THAP4: variants seen among roughly 807,000 people sequenced by gnomAD.
The protein encoded by THAP4 is peroxynitrite isomerase THAP4.
Under a neutral mutation model 48.1 loss-of-function variants are expected in THAP4, and 18 were observed. That is an observed-to-expected ratio of 0.37 (90% CI 0.26 to 0.56). The LOEUF (loss-of-function observed/expected upper bound fraction) is 0.56. Among genes scored for constraint, THAP4 ranks in the 20% least tolerant of loss-of-function variants. THAP4 has a pLI of 0.78. For missense variants in THAP4, 656 were observed against 774.9 expected, an observed-to-expected ratio of 0.85 and a Z score of 1.82; for synonymous variants, 345 against 324.9, an observed-to-expected ratio of 1.06 and a Z score of -0.66.
In THAP4 at chr2:241,590,256, G is replaced by A. The variant is rs1333696808; in HGVS notation, c.1615-5531C>T. The stretch of plus-strand genomic sequence containing the variant: ...GGCACTAGGACACTCAGAGCTGCTC[G>A]GCTGATGATAATGGGCACTAGGACA... On this transcript the variant is annotated intron_variant, in intron 5 of 5. Coordinates refer to ENST00000407315, the MANE Select transcript of THAP4 (RefSeq NM_015963.6). Among the ~76,000 whole-genome samples, 25 of 149,618 alleles carry A rather than the reference G, an allele frequency of 1.7e-4. No homozygotes were observed. The South Asian group carries it at 2.6e-3, about 16-fold the overall frequency.
chr2:241,604,988 A>G (rs1384406812), intron 3 of THAP4, among the ~76,000 whole-genome samples: 1 of 152,212 alleles, frequency 6.6e-6, no homozygotes, highest in African/African-American at 2.4e-5. Context: ...ACATACCATC[A>G]CATTTACTGA....
intron 3 of THAP4, among the ~76,000 whole-genome samples, chr2:241,606,008 G>A (rs1353547513): frequency 3.3e-5 from 5 of 152,122 alleles, no homozygotes; most frequent in Non-Finnish European, 5.9e-5. Flanking sequence ...CTACCGCACT[G>A]GCCAGGGTGA....
intron 1 of THAP4, 54 bp downstream of exon 1, chr2:241,636,887 T>A: frequency 1.7e-5 from 18 of 1,049,808 alleles, no homozygotes; most frequent in Non-Finnish European, 2.1e-5. Context: ...GGGGCCTCAG[T>A]TTCCCCGCAG....
chr2:241,590,023 C>T (rs797009935), intron 5 of THAP4, among the ~76,000 whole-genome samples: 24 of 141,858 alleles, frequency 1.7e-4, no homozygotes, highest in African/African-American at 4.0e-4. Flanking sequence ...CAGAGCTGCT[C>T]GGCTGACGAT....
intron 5 of THAP4, among the ~76,000 whole-genome samples, chr2:241,589,285 T>C (rs928028986): frequency 5.7e-5 from 8 of 141,008 alleles, no homozygotes; most frequent in Admixed American, 1.5e-4. Flanking sequence ...CTTCAAATGG[T>C]ACTGTCTAGG....
intron 4 of THAP4, 43 bp downstream of exon 4, chr2:241,602,927 G>T: frequency 1.4e-6 from 2 of 1,455,716 alleles, no homozygotes; most frequent in Non-Finnish European, 1.9e-6. Context: ...GCAGGCAGCA[G>T]CCTCCCATGG....
intron 2 of THAP4, among the ~76,000 whole-genome samples, chr2:241,607,277 G>A (rs2067195297): frequency 6.6e-6 from 1 of 152,060 alleles, no homozygotes; most frequent in Non-Finnish European, 1.5e-5. Flanking sequence ...GAACTCAAAG[G>A]GACCCCTGCT....
intron 2 of THAP4, among the ~76,000 whole-genome samples, chr2:241,624,485 CAA>C (rs112411066): frequency 9.8e-5 from 13 of 132,874 alleles, no homozygotes; most frequent in African/African-American, 1.1e-4. Flanking sequence ...GACTCTTTCT[CAA>C]AAAAAAAAAA....
At chr2:241,603,394 G>A (rs71351111) in intron 3 of THAP4, among the ~76,000 whole-genome samples, 43,172 of 109,064 alleles carry the variant, frequency 0.4, 9,842 homozygotes, top group Middle Eastern at 0.58. Context: ...AGCCACACCC[G>A]CACACCTGCC....
chr2:241,593,279 T>TA (rs901333483), intron 5 of THAP4, among the ~76,000 whole-genome samples: 21 of 151,474 alleles, frequency 1.4e-4, no homozygotes, highest in Non-Finnish European at 2.4e-4. Flanking sequence ...AGTAAAAAAT[T>TA]AAAAAAAACG....
chr2:241,595,688 A>G (rs1393245465), intron 5 of THAP4, among the ~76,000 whole-genome samples: 1 of 151,970 alleles, frequency 6.6e-6, no homozygotes, highest in Non-Finnish European at 1.5e-5. Flanking sequence ...TGACAGGTAT[A>G]TGGCAAACAA....
chr2:241,585,015 G>T (rs897820133), intron 5 of THAP4: 46 of 361,988 alleles, frequency 1.3e-4, no homozygotes, highest in Non-Finnish European at 1.9e-4. Context: ...TCTGACCTCG[G>T]AAGCTAAGGA....
intron 2 of THAP4, among the ~76,000 whole-genome samples, chr2:241,614,067 TC>T (rs2067309809): frequency 2.0e-5 from 3 of 149,910 alleles, no homozygotes; most frequent in Non-Finnish European, 4.4e-5. Flanking sequence ...GTGGGGAGAA[TC>T]ACTTGCGCCC....
At chr2:241,606,148 G>A (rs544579248) in intron 3 of THAP4, among the ~76,000 whole-genome samples, 166 bp downstream of exon 3, 1 of 152,276 alleles carries the variant, frequency 6.6e-6, no homozygotes, top group African/African-American at 2.4e-5. Context: ...TTACCACTCT[G>A]TGTCTCAGTT....
At position 241,613,329 on chromosome 2, in the gene THAP4, G is replaced by T. The variant is rs2067301084; in HGVS notation, c.1241-6856C>A. Among the ~76,000 whole-genome samples the T allele has an allele frequency of 2.0e-5, 3 of 151,850 alleles. No homozygotes were observed. The South Asian group carries it at 6.2e-4, about 32-fold the overall frequency. ...AACAAAAAAAAACTGGTTATAGGTG[G>T]TAGATGCCTGGTCGTACAGGCATGA... On this transcript the variant is annotated intron_variant, in intron 2 of 5. Coordinates refer to ENST00000407315, the MANE Select transcript of THAP4 (RefSeq NM_015963.6).
chr2:241,606,630 T>A (rs1337842429), intron 2 of THAP4, among the ~76,000 whole-genome samples, 157 bp from the exon 3 acceptor site: 1 of 152,110 alleles, frequency 6.6e-6, no homozygotes, highest in Non-Finnish European at 1.5e-5. Flanking sequence ...CAAGCAACTG[T>A]AAATGTCATA....
chr2:241,625,744 G>C (rs1406314379), intron 2 of THAP4, among the ~76,000 whole-genome samples: 33 of 127,644 alleles, frequency 2.6e-4, no homozygotes, highest in Admixed American at 1.9e-3. Context: ...TTTGCAGTGA[G>C]CTGAGATCGT....
At chr2:241,635,025 A>G (rs919831379) in intron 1 of THAP4, among the ~76,000 whole-genome samples, 1 of 152,244 alleles carries the variant, frequency 6.6e-6, no homozygotes, top group Non-Finnish European at 1.5e-5. Context: ...ATGAGTCCAG[A>G]GATTCCGCTT....
intron 3 of THAP4, among the ~76,000 whole-genome samples, chr2:241,604,856 C>T (rs2067159843): frequency 1.3e-5 from 2 of 152,202 alleles, no homozygotes; most frequent in African/African-American, 4.8e-5. Flanking sequence ...CCGCGCTGGG[C>T]CAAGATAAAT....
Sources: gnomAD v4.1 joint callset for allele counts (sites outside exome capture counted in the v4.1 genomes callset) on GRCh38, gnomAD v4.1.1 for gene constraint, MANE v1.5 for transcripts, NCBI Gene and HGNC (gene_info 2026-07-23, HGNC 2026-07-21) for gene names.